PDS5B: variants seen among roughly 807,000 people sequenced by gnomAD.
PDS5B encodes sister chromatid cohesion protein PDS5 homolog B.
Under a neutral mutation model 184.1 loss-of-function variants are expected in PDS5B, and 51 were observed. That is an observed-to-expected ratio of 0.28 (90% CI 0.22 to 0.35). The LOEUF is 0.35. PDS5B is among the 10% of genes least tolerant of loss of function. PDS5B has a pLI of 1.00. For missense variants in PDS5B, 1,180 were observed against 1,723.3 expected (o/e 0.68, Z 5.58); for synonymous variants, 566 against 569.2 (o/e 0.99, Z 0.08).
At chr13:32,758,739 A>G (rs1025569347) in intron 28 of PDS5B, 86 bp downstream of exon 28, 11 of 1,333,770 alleles carry the variant, frequency 8.2e-6, no homozygotes, top group Non-Finnish European at 1.2e-5. Context: ...AGGATCATGG[A>G]AAAATTGCTG....
intron 19 of PDS5B, among the ~76,000 whole-genome samples, chr13:32,718,767 T>C (rs535694238): frequency 2.1e-4 from 32 of 152,310 alleles, no homozygotes; most frequent in African/African-American, 7.5e-4. Flanking sequence ...AAAATGAGTA[T>C]GTAAAAATCC....
intron 1 of PDS5B, among the ~76,000 whole-genome samples, chr13:32,603,094 T>C (rs1185192362): frequency 6.6e-6 from 1 of 152,252 alleles, no homozygotes; most frequent in Non-Finnish European, 1.5e-5. Context: ...AGCTCTTTAG[T>C]TTAATTAGAT....
At chr13:32,645,490 G>T (rs1950194356) in intron 1 of PDS5B, among the ~76,000 whole-genome samples, 1 of 152,078 alleles carries the variant, frequency 6.6e-6, no homozygotes, top group African/African-American at 2.4e-5. Context: ...GATTGATTTT[G>T]TTTCTTAATC....
chr13:32,678,196 G>T (rs767884266), intron 9 of PDS5B, among the ~76,000 whole-genome samples: 1 of 152,122 alleles, frequency 6.6e-6, no homozygotes, highest in South Asian at 2.1e-4. Flanking sequence ...AAAAAGAGTT[G>T]GAGGGAAAAC....
In PDS5B at chr13:32,753,404, C is replaced by G. The variant is rs1346595719; in HGVS notation, c.2809C>G (p.Leu937Val). ...HKGLSRLRLP[L>V]EYMAICALCA... is the part of the protein sequence containing the mutation. ...AGGCCTTTCCCGTTTACGGCTTCCA[C>G]TTGAGTATATGGCAATCTGTGCCCT... Residue 937 changes from leucine to valine, a missense_variant, in exon 25 of 35, where the codon CTT (leucine) becomes GTT (valine). Physicochemically the swap from Leu to Val is conservative, Grantham distance 32 (BLOSUM62 1). This residue lies in a region of PDS5B where 40 missense variants were observed against 107.2 expected (regional missense o/e 0.37). Transcript: ENST00000315596. 6.2e-7 allele frequency: 1 copy of G among 1,613,818 alleles called. No homozygotes were observed. The highest frequency in any genetic ancestry group is 2.2e-5 in the East Asian group (1 of 44,874).
At chr13:32,679,730 T>C (rs1484266853) in intron 10 of PDS5B, among the ~76,000 whole-genome samples, 6 of 152,224 alleles carry the variant, frequency 3.9e-5, no homozygotes. Context: ...CTTGGAGCTT[T>C]CTGATTTCCT....
chr13:32,655,216 A>G (rs1275069088), intron 3 of PDS5B, among the ~76,000 whole-genome samples: 1 of 150,890 alleles, frequency 6.6e-6, no homozygotes, highest in African/African-American at 2.4e-5. Flanking sequence ...CTTTTTAACA[A>G]TAGCCATTCT....
intron 3 of PDS5B, among the ~76,000 whole-genome samples, chr13:32,653,783 G>A (rs368537175): frequency 6.6e-6 from 1 of 152,152 alleles, no homozygotes; most frequent in South Asian, 2.1e-4. Context: ...ATTGGTTTAA[G>A]GAATGATTCC....
intron 1 of PDS5B, among the ~76,000 whole-genome samples, chr13:32,647,083 A>G (rs1950246963): frequency 6.6e-6 from 1 of 152,054 alleles, no homozygotes; most frequent in Non-Finnish European, 1.5e-5. Context: ...GTAGGTTGGT[A>G]TTTTATGATA....
intron 14 of PDS5B, among the ~76,000 whole-genome samples, chr13:32,695,012 T>G (rs1262834575): frequency 6.6e-6 from 1 of 151,880 alleles, no homozygotes; most frequent in Non-Finnish European, 1.5e-5. Flanking sequence ...ACACATACAC[T>G]TCATAGGACA....
intron 10 of PDS5B, among the ~76,000 whole-genome samples, chr13:32,682,330 T>C (rs539774545): frequency 3.9e-5 from 6 of 152,328 alleles, no homozygotes; most frequent in Non-Finnish European, 8.8e-5. Flanking sequence ...TTTCTATTTC[T>C]GTAGGTTAGT....
In PDS5B at chr13:32,659,274, T is replaced by C; in HGVS notation, c.618T>C (p.Ala206=). 1.3e-6 allele frequency: 2 copies of C among 1,584,840 alleles called. No homozygotes were observed. Among genetic ancestry groups the C allele is most frequent in the Non-Finnish European group, 1.7e-6 (2 of 1,161,422 alleles). Residue 206 remains alanine, a synonymous_variant, in exon 6 of 35, where the codon GCT becomes GCC. Coordinates refer to ENST00000315596, the MANE Select transcript of PDS5B (RefSeq NM_015032.4). ...LDTVLVNLVP[A]HKNLNKQAYD... ...CGGTTTTAGTAAATCTGGTACCTGC[T>C]CATAAGGTGAGTAGCAATGTATACT...
chr13:32,661,385 C>CAAAAAAAAAAAAAAAAAAAAAAA (rs747985772), intron 6 of PDS5B, among the ~76,000 whole-genome samples: 10 of 32,010 alleles, frequency 3.1e-4, no homozygotes, highest in Admixed American at 5.6e-4. Context: ...GACTCTGTCT[C>CAAAAAAAAAAAAAAAAAAAAAAA]AAAAAAAAAA....
chr13:32,719,552 C>T (rs1952596674), intron 19 of PDS5B, among the ~76,000 whole-genome samples: 4 of 151,882 alleles, frequency 2.6e-5, no homozygotes, highest in Admixed American at 2.6e-4. Flanking sequence ...ACTCCCTGCC[C>T]CACCATGTAT....
chr13:32,711,552 T>G (rs1474638410), intron 19 of PDS5B, among the ~76,000 whole-genome samples: 2 of 151,888 alleles, frequency 1.3e-5, no homozygotes. Context: ...GAGACAGGGC[T>G]TCACCATGTT....
Position 32,651,730 on chromosome 13 carries a change from A to G in PDS5B, c.109-74A>G. The stretch of plus-strand genomic sequence containing the variant: ...TCATTTGAAGTTAACCTTAGCAATT[A>G]ACATGACCTTTATTTCACATGACTG... On this transcript the variant is annotated intron_variant, in intron 2 of 34. Coordinates refer to ENST00000315596, the MANE Select transcript of PDS5B (RefSeq NM_015032.4). 4 of 876,278 alleles carry G rather than the reference A, an allele frequency of 4.6e-6. No homozygotes were observed. In the East Asian group the frequency reaches 9.7e-5, roughly 21 times the overall value. 54.3% of individuals were successfully genotyped at this position (876,278 alleles called of 1,614,324 possible).
intron 3 of PDS5B, 34 bp downstream of exon 3, chr13:32,652,041 C>A: frequency 2.2e-6 from 3 of 1,375,360 alleles, no homozygotes; most frequent in Non-Finnish European, 3.1e-6. Flanking sequence ...CAAGATTGAC[C>A]GATACTTTGA....
chr13:32,688,150 A>G (rs1951448422), intron 12 of PDS5B, among the ~76,000 whole-genome samples: 1 of 149,156 alleles, frequency 6.7e-6, no homozygotes, highest in African/African-American at 2.4e-5. Flanking sequence ...ATTTGAAAGG[A>G]CCTGGCATAT....
At chr13:32,739,058 C>A (rs535737171) in intron 21 of PDS5B, among the ~76,000 whole-genome samples, 1 of 152,128 alleles carries the variant, frequency 6.6e-6, no homozygotes, top group Non-Finnish European at 1.5e-5. Context: ...TTTAAGAAAT[C>A]TTTTCCTACT....
Sources: gnomAD v4.1 joint callset for allele counts (sites outside exome capture counted in the v4.1 genomes callset) on GRCh38, gnomAD v4.1.1 for gene constraint, gnomAD v4.1.1 regional missense constraint, MANE v1.5 for transcripts, NCBI Gene and HGNC (gene_info 2026-07-23, HGNC 2026-07-21) for gene names.